The following COL8A1 variants were observed in gnomAD, a reference collection of about 807,000 sequenced individuals.
The protein encoded by COL8A1 is collagen type VIII alpha 1 chain, also known as collagen alpha-1(VIII) chain.
A neutral mutation model predicts 42.7 loss-of-function variants in COL8A1; 21 were observed. That is an observed-to-expected ratio of 0.49 (90% CI 0.35 to 0.71). The LOEUF is 0.71. Among genes scored for constraint, COL8A1 ranks in the 30% least tolerant of loss-of-function variants. The pLI is 0.01. For missense variants in COL8A1, 788 were observed against 962.4 expected (o/e 0.82, Z 2.40); for synonymous variants, 367 against 369.1 (o/e 0.99, Z 0.06).
At chr3:99,684,074 C>G (rs1938974456) in intron 1 of COL8A1, among the ~76,000 whole-genome samples, 1 of 152,138 alleles carries the variant, frequency 6.6e-6, no homozygotes, top group Non-Finnish European at 1.5e-5. Flanking sequence ...CTTCAGTGCT[C>G]AGTGCTCTCG....
chr3:99,790,568 T>G (rs2107456122), intron 2 of COL8A1, 112 bp from the exon 3 acceptor site: 1 of 781,778 alleles, frequency 1.3e-6, no homozygotes, highest in South Asian at 1.9e-5. Flanking sequence ...TATCATGAAG[T>G]TCTGATGTTA....
At chr3:99,703,322 CGGA>C (rs929522907) in intron 1 of COL8A1, 2 of 152,120 alleles carry the variant, frequency 1.3e-5, no homozygotes, top group Non-Finnish European at 2.9e-5. Flanking sequence ...AAAACTGAAA[CGGA>C]GAAGTCACAC....
chr3:99,779,675 G>A (rs1941758574), intron 2 of COL8A1, among the ~76,000 whole-genome samples: 1 of 152,204 alleles, frequency 6.6e-6, no homozygotes, highest in Non-Finnish European at 1.5e-5. Flanking sequence ...TATAATATTT[G>A]TTACTCACTT....
chr3:99,751,462 G>A (rs974101471), intron 2 of COL8A1, among the ~76,000 whole-genome samples: 4 of 152,168 alleles, frequency 2.6e-5, no homozygotes, highest in Non-Finnish European at 5.9e-5. Flanking sequence ...GGAGGCTGAC[G>A]CAGGGAGAAT....
intron 2 of COL8A1, among the ~76,000 whole-genome samples, chr3:99,747,872 C>A (rs1326443907): frequency 6.6e-6 from 1 of 152,064 alleles, no homozygotes; most frequent in African/African-American, 2.4e-5. Flanking sequence ...TATGAATAGC[C>A]TTTAGCTGAA....
At chr3:99,733,283 T>C (rs1315525100) in intron 1 of COL8A1, among the ~76,000 whole-genome samples, 15 of 150,262 alleles carry the variant, frequency 1.0e-4, no homozygotes, top group African/African-American at 2.7e-4. Flanking sequence ...TATCTCCCAA[T>C]GCTATCCCTC....
chr3:99,721,369 CAAAAAAA>C (rs34692096), intron 1 of COL8A1, among the ~76,000 whole-genome samples: 1 of 118,548 alleles, frequency 8.4e-6, no homozygotes, highest in Non-Finnish European at 1.7e-5. Flanking sequence ...ACAATTTAGA[CAAAAAAA>C]AAAAAAAAGA....
chr3:99,742,820 C>T (rs2107403597), intron 1 of COL8A1, among the ~76,000 whole-genome samples: 1 of 152,220 alleles, frequency 6.6e-6, no homozygotes, highest in East Asian at 1.9e-4. Flanking sequence ...CAGTGATCTT[C>T]AGCATTTGTA....
At chr3:99,672,172 C>G (rs187700245) in intron 1 of COL8A1, among the ~76,000 whole-genome samples, 1 of 152,102 alleles carries the variant, frequency 6.6e-6, no homozygotes, top group African/African-American at 2.4e-5. Context: ...CAGCTCAGAG[C>G]AGTAAGAATT....
intron 1 of COL8A1, among the ~76,000 whole-genome samples, chr3:99,726,625 C>A (rs187097173): frequency 6.6e-6 from 1 of 152,132 alleles, no homozygotes; most frequent in African/African-American, 2.4e-5. Flanking sequence ...CAGCTTTCTA[C>A]CTATGGCTAT....
At chr3:99,667,394 C>G (rs1373983169) in intron 1 of COL8A1, among the ~76,000 whole-genome samples, 1 of 152,112 alleles carries the variant, frequency 6.6e-6, no homozygotes, top group African/African-American at 2.4e-5. Flanking sequence ...TCTTCTTTGA[C>G]CTTAGGACTC....
At chr3:99,695,158 T>C (rs544374192) in intron 1 of COL8A1, among the ~76,000 whole-genome samples, 12 of 152,260 alleles carry the variant, frequency 7.9e-5, no homozygotes, top group Admixed American at 5.9e-4. Context: ...ATGAAACAGG[T>C]TAATTTCAAT....
At chr3:99,638,715 G>A (rs185466426) in intron 1 of COL8A1, 51 bp downstream of exon 1, 1 of 152,142 alleles carries the variant, frequency 6.6e-6, no homozygotes, top group African/African-American at 2.4e-5. Context: ...TGCTATGGGG[G>A]AATAAGTCAC....
chr3:99,694,001 A>G (rs913648378), intron 1 of COL8A1, among the ~76,000 whole-genome samples: 1 of 152,248 alleles, frequency 6.6e-6, no homozygotes. Flanking sequence ...AGTATTCAGC[A>G]CAGAAACTTG....
chr3:99,785,636 A>G (rs931282938), intron 2 of COL8A1, among the ~76,000 whole-genome samples: 1 of 152,200 alleles, frequency 6.6e-6, no homozygotes, highest in Admixed American at 6.5e-5. Flanking sequence ...AGGGCCTTTA[A>G]AGAGGAAATT....
chr3:99,655,233 T>G (rs148731998), intron 1 of COL8A1, among the ~76,000 whole-genome samples: 109 of 152,268 alleles, frequency 7.2e-4, no homozygotes, highest in African/African-American at 2.6e-3. Flanking sequence ...AGGCTCTCAC[T>G]CAAGGACTGT....
At chr3:99,672,419 C>T (rs1278197916) in intron 1 of COL8A1, among the ~76,000 whole-genome samples, 1 of 151,794 alleles carries the variant, frequency 6.6e-6, no homozygotes, top group East Asian at 1.9e-4. Context: ...CATTGGATTA[C>T]ATTCTGAGTG....
In COL8A1 at chr3:99,795,763, A is replaced by G; in HGVS notation, c.1862A>G (p.Glu621Gly). ...TATGAGATGCCTGCATTTACCGCCG[A>G]GCTAACCGCACCTTTCCCACCGGTG... ...PAYEMPAFTA[E>G]LTAPFPPVGA... Residue 621 changes from glutamate (E) to glycine (G), a missense_variant, in exon 4 of 4, where the codon GAG becomes GGG. Physicochemically the swap from Glu to Gly is moderately conservative, Grantham distance 98. Coordinates refer to ENST00000652472, the MANE Select transcript of COL8A1 (RefSeq NM_020351.4). 6.2e-7 allele frequency: 1 copy of G among 1,614,074 alleles called. No homozygotes were observed. The highest frequency in any genetic ancestry group is 8.5e-7 in the Non-Finnish European group (1 of 1,180,002).
At position 99,644,839 on chromosome 3, in the gene COL8A1, C is replaced by T. The variant is rs1937614216; in HGVS notation, c.-129+6175C>T. On this transcript the variant is annotated intron_variant, in intron 1 of 3. Coordinates refer to ENST00000652472, the MANE Select transcript of COL8A1 (RefSeq NM_020351.4). ...GTGTGGGTGTCAGCTGTCAACTTCT[C>T]TAGGAAATAACATGTATCTAGCCTA... Among the ~76,000 whole-genome samples the T allele has an allele frequency of 2.0e-5, 3 of 152,172 alleles. No individual in the cohort carries two copies. In the South Asian group the frequency reaches 6.2e-4, roughly 32 times the overall value.
Sources: allele counts gnomAD v4.1 joint callset (sites outside exome capture counted in the v4.1 genomes callset), GRCh38; gene constraint gnomAD v4.1.1; transcripts MANE v1.5; gene names NCBI Gene and HGNC (gene_info 2026-07-23, HGNC 2026-07-21).